The following CES5A variants were observed in gnomAD, a reference collection of about 807,000 sequenced individuals.
CES5A encodes carboxylesterase 5A, also known as carboxylesterase 5.
In CES5A, 67 loss-of-function variants were observed where a neutral mutation model predicts 62.9. The observed-to-expected ratio is 1.07, with a 90% CI of 0.88 to 1.31. The LOEUF is 1.31. CES5A is among the 50% of genes most tolerant of loss of function. CES5A has a pLI of 0.00. For missense variants in CES5A, 748 were observed against 708.5 expected, an observed-to-expected ratio of 1.06 and a Z score of -0.63; for synonymous variants, 296 against 280.8, an observed-to-expected ratio of 1.05 and a Z score of -0.54.
chr16:55,950,686 A>C (rs1269415830), intron 1 of CES5A, among the ~76,000 whole-genome samples: 1 of 152,050 alleles, frequency 6.6e-6, no homozygotes, highest in Non-Finnish European at 1.5e-5. Context: ...GGCATGAAGG[A>C]GAAGAAATAA....
Position 55,871,768 on chromosome 16 carries a change from G to C in CES5A, c.279-5C>G, listed in dbSNP as rs776729237. The C allele has an allele frequency of 6.2e-7, 1 of 1,613,826 alleles. No individual in the cohort carries two copies. Among genetic ancestry groups the C allele is most frequent in the East Asian group, 2.2e-5 (1 of 44,868 alleles). On this transcript the variant is annotated splice_polypyrimidine_tract_variant and splice_region_variant and intron_variant, in intron 2 of 12. Transcript: ENST00000290567. Reference sequence around the variant, plus strand: ...CACTCTGAGTTCTGGAGGCACCTTGGAGAAGGAGAGGAGAAAACCCTCAGA... The same window carrying C: ...CACTCTGAGTTCTGGAGGCACCTTGCAGAAGGAGAGGAGAAAACCCTCAGA...
upstream of CES5A, among the ~76,000 whole-genome samples, chr16:55,929,957 C>A (rs1016581624): frequency 6.6e-6 from 1 of 151,396 alleles, no homozygotes; most frequent in Non-Finnish European, 1.5e-5. Flanking sequence ...CAATTGTGGC[C>A]CCCTCACCAC....
Position 55,875,213 on chromosome 16 carries a change from C to A in CES5A, c.9G>T (p.Gly3=). The change falls in exon 1 of 13, where the codon GGG becomes GGT. Residue 3 remains glycine (G), a synonymous_variant. Transcript: ENST00000290567. ...GGATCTGGCCTGGGTGCACCCAATTCCCACTCATTTGGCTGCCTGCCTGCA... is the reference window on the plus strand; with the variant it reads ...GGATCTGGCCTGGGTGCACCCAATTACCACTCATTTGGCTGCCTGCCTGCA... MS[G]NWVHPGQILI... 6.2e-7 allele frequency: 1 copy of A among 1,613,560 alleles called. No homozygotes were observed. Among genetic ancestry groups the A allele is most frequent in the South Asian group, 1.1e-5 (1 of 90,854 alleles).
At chr16:55,954,761 G>A (rs1386843331) in intron 1 of CES5A, among the ~76,000 whole-genome samples, 3 of 152,180 alleles carry the variant, frequency 2.0e-5, no homozygotes, top group South Asian at 2.1e-4. Context: ...ATGGAGGCTC[G>A]CAGCCAATCT....
At chr16:55,862,038 C>A (rs1236763983) in intron 6 of CES5A, among the ~76,000 whole-genome samples, 1 of 152,118 alleles carries the variant, frequency 6.6e-6, no homozygotes, top group African/African-American at 2.4e-5. Flanking sequence ...GTCTTTTTCC[C>A]TGCCTCTATA....
intron 1 of CES5A, among the ~76,000 whole-genome samples, chr16:55,896,769 A>T (rs2033938640): frequency 6.6e-6 from 1 of 152,108 alleles, no homozygotes; most frequent in Non-Finnish European, 1.5e-5. Context: ...CCATTATCTC[A>T]TTTAATCCTC....
rs865854672 is a variant in CES5A, at chr16:55,871,627, G to A, written c.415C>T (p.Pro139Ser). Residue 139 changes from proline (P) to serine (S), a missense_variant and splice_region_variant, in exon 3 of 13, where the codon CCC becomes TCC. Physicochemically the swap from Pro to Ser is moderately conservative, Grantham distance 74. Coordinates refer to ENST00000290567, the MANE Select transcript of CES5A (RefSeq NM_001143685.2). ...AAGCACACAGCAGGCAGCCTTACGG[G>A]GAGCTTGGAGCCTGTATCGGCGTGG... is the stretch of plus-strand genomic sequence containing the variant. ...PAHADTGSKLPVLVWFPGGAF... is the reference protein window; with the variant it reads ...PAHADTGSKLSVLVWFPGGAF... 6.2e-7 allele frequency: 1 copy of A among 1,613,938 alleles called. No individual in the cohort carries two copies. Among genetic ancestry groups the A allele is most frequent in the Non-Finnish European group, 8.5e-7 (1 of 1,179,998 alleles).
intron 9 of CES5A, among the ~76,000 whole-genome samples, chr16:55,855,473 C>G (rs373097189): frequency 6.6e-6 from 1 of 152,198 alleles, no homozygotes. Flanking sequence ...CTTGCAGAAC[C>G]TGGCCTGATG....
intron 1 of CES5A, among the ~76,000 whole-genome samples, chr16:55,907,016 C>G (rs2034046062): frequency 6.6e-6 from 1 of 152,338 alleles, no homozygotes. Flanking sequence ...AAAGTTATTA[C>G]ACATCTTATG....
chr16:55,908,999 G>A (rs1251240915), intron 1 of CES5A, among the ~76,000 whole-genome samples: 1 of 152,182 alleles, frequency 6.6e-6, no homozygotes, highest in Non-Finnish European at 1.5e-5. Context: ...TTCTCTAAAA[G>A]AATAAAATGC....
intron 2 of CES5A, among the ~76,000 whole-genome samples, chr16:55,948,684 AT>A (rs1478126884): frequency 6.6e-6 from 1 of 152,082 alleles, no homozygotes. Flanking sequence ...CCAAGATTTT[AT>A]TTTCCTTTCA....
At chr16:55,930,503 C>G (rs1336552439) in intron 2 of CES5A, among the ~76,000 whole-genome samples, 1 of 152,188 alleles carries the variant, frequency 6.6e-6, no homozygotes, top group Non-Finnish European at 1.5e-5. Flanking sequence ...CAGTTTGGTT[C>G]TGGTTTTTGC....
chr16:55,944,973 C>A (rs1235275475), intron 2 of CES5A, among the ~76,000 whole-genome samples: 1 of 152,172 alleles, frequency 6.6e-6, no homozygotes, highest in Non-Finnish European at 1.5e-5. Flanking sequence ...TCAAATCCGC[C>A]TCTGCTTCTC....
intron 7 of CES5A, among the ~76,000 whole-genome samples, chr16:55,861,091 C>T (rs2033341699): frequency 6.6e-6 from 1 of 152,184 alleles, no homozygotes; most frequent in Non-Finnish European, 1.5e-5. Flanking sequence ...ACTTCCAGCT[C>T]CTGATTTTGA....
At chr16:55,853,401 T>G (rs1409222548) in intron 9 of CES5A, among the ~76,000 whole-genome samples, 1 of 152,152 alleles carries the variant, frequency 6.6e-6, no homozygotes, top group African/African-American at 2.4e-5. Context: ...GTTCAAAAAA[T>G]CATTAAGAAT....
chr16:55,949,898 A>C (rs2142486963), exon 2 of CES5A: 1 of 1,421,666 alleles, frequency 7.0e-7, no homozygotes, highest in South Asian at 1.4e-5. Flanking sequence ...TCTTATCCTA[A>C]ACTCCTGGAA....
At chr16:55,942,476 C>T (rs1392159228) in intron 2 of CES5A, among the ~76,000 whole-genome samples, 1 of 152,132 alleles carries the variant, frequency 6.6e-6, no homozygotes, top group Non-Finnish European at 1.5e-5. Flanking sequence ...AACATCAATG[C>T]AAATTTTAAC....
At position 55,910,522 on chromosome 16, in the gene CES5A, C is replaced by T. The variant is rs149086591; in HGVS notation, c.-256+14801G>A. Among the ~76,000 whole-genome samples the T allele has an allele frequency of 5.9e-5, 9 of 152,336 alleles. No homozygotes were observed. The South Asian group carries it at 1.0e-3, about 18-fold the overall frequency. ...CATTTGATTGCACACTCTTTTGAGA[C>T]GCTGCTGCTTCTTAGCATTAACCTC... is the stretch of plus-strand genomic sequence containing the variant. On this transcript the variant is annotated intron_variant, in intron 1 of 12. Coordinates refer to the CES5A transcript ENST00000518005.
rs761462504 is a variant in CES5A, at chr16:55,861,542, A to G, written c.811-26T>C. Reference sequence around the variant, plus strand: ...CTATTTTGTAGAGAAGGACCGGGTTAGAGCATGATATTGAAAGCATCTAGG... The same window carrying G: ...CTATTTTGTAGAGAAGGACCGGGTTGGAGCATGATATTGAAAGCATCTAGG... On this transcript the variant is annotated intron_variant, in intron 6 of 12. Coordinates refer to ENST00000290567, the MANE Select transcript of CES5A (RefSeq NM_001143685.2). The G allele has an allele frequency of 2.7e-6, 4 of 1,501,392 alleles. No homozygotes were observed. The Admixed American group carries it at 6.7e-5, about 25-fold the overall frequency. The allele number at this position is 1,501,392 out of a possible 1,614,324, so 93.0% of individuals were successfully genotyped here.
Sources: gnomAD v4.1 joint callset for allele counts (sites outside exome capture counted in the v4.1 genomes callset) on GRCh38, gnomAD v4.1.1 for gene constraint, MANE v1.5 for transcripts, NCBI Gene and HGNC (gene_info 2026-07-23, HGNC 2026-07-21) for gene names.